Variants in WWC2 observed in about 807,000 individuals in gnomAD.
WWC2 encodes protein WWC2.
A neutral mutation model predicts 138.5 loss-of-function variants in WWC2; 101 were observed. The ratio of observed to expected loss-of-function variants is 0.73; its 90% CI spans 0.62 to 0.86. The LOEUF (loss-of-function observed/expected upper bound fraction) is 0.86, where lower values mean the gene tolerates loss of function less well. WWC2 is among the 40% of genes least tolerant of loss of function. The pLI is 0.00. For missense variants in WWC2, 1,420 were observed against 1,419.4 expected, an observed-to-expected ratio of 1.00 and a Z score of -0.01; for synonymous variants, 558 against 538.4, an observed-to-expected ratio of 1.04 and a Z score of -0.50.
At chr4:183,311,802 C>T (rs1409689281) in intron 21 of WWC2, among the ~76,000 whole-genome samples, 3 of 152,052 alleles carry the variant, frequency 2.0e-5, no homozygotes, top group African/African-American at 7.2e-5. Flanking sequence ...TGGTCTCGAT[C>T]TCCTGACCTC....
At chr4:183,118,993 C>G (rs1264443961) in intron 1 of WWC2, among the ~76,000 whole-genome samples, 1 of 151,876 alleles carries the variant, frequency 6.6e-6, no homozygotes, top group Non-Finnish European at 1.5e-5. Flanking sequence ...CTCCTTTTGT[C>G]CTGATGGTGT....
chr4:183,126,080 G>A (rs922046307), intron 1 of WWC2, among the ~76,000 whole-genome samples: 13 of 152,296 alleles, frequency 8.5e-5, no homozygotes, highest in African/African-American at 1.4e-4. Context: ...ACCCTGGCTC[G>A]CCTCACCCTG....
In WWC2 at chr4:183,320,625, T is replaced by C. The variant is rs149741702; in HGVS notation, c.*4896T>C. 4.9e-6 allele frequency: 1 copy of C among 203,990 alleles called. No individual in the cohort carries two copies. The highest frequency in any genetic ancestry group is 1.3e-4 in the East Asian group (1 of 7,792). The allele number at this position is 203,990 out of a possible 1,614,324, so 12.6% of individuals were successfully genotyped here. On this transcript the variant is annotated 3_prime_UTR_variant, in exon 23 of 23. Coordinates refer to ENST00000403733, the MANE Select transcript of WWC2 (RefSeq NM_024949.6). ...CTGATGGTTTTGGTTCAACTCCTCC[T>C]GCTTTGTGTTTCACTAACTGCACCT...
At chr4:183,286,444 A>G (rs1194328731) in intron 20 of WWC2, among the ~76,000 whole-genome samples, 1 of 152,180 alleles carries the variant, frequency 6.6e-6, no homozygotes, top group East Asian at 1.9e-4. Context: ...TCTGAAGGAC[A>G]CACATTCTGG....
At position 183,320,348 on chromosome 4, in the gene WWC2, G is replaced by T; in HGVS notation, c.*4619G>T. On this transcript the variant is annotated 3_prime_UTR_variant, in exon 23 of 23. Transcript: ENST00000403733. ...TCATTGTGTATATAGGAGGATTCTT[G>T]CCAGAGTTGCTATTGTTTGATTCCA... is the stretch of plus-strand genomic sequence containing the variant. 4 of 863,376 alleles carry T rather than the reference G, an allele frequency of 4.6e-6. No homozygotes were observed. The highest frequency in any genetic ancestry group is 1.8e-5 in the South Asian group (1 of 54,416). 53.5% of individuals were successfully genotyped at this position (863,376 alleles called of 1,614,324 possible).
chr4:183,262,655 G>C (rs913805833), intron 11 of WWC2, among the ~76,000 whole-genome samples: 4 of 152,216 alleles, frequency 2.6e-5, no homozygotes, highest in African/African-American at 9.6e-5. Context: ...ACAAGTAGCA[G>C]GTTATGGAAA....
intron 17 of WWC2, among the ~76,000 whole-genome samples, chr4:183,282,177 T>C (rs1261719859): frequency 6.6e-6 from 1 of 152,194 alleles, no homozygotes; most frequent in Non-Finnish European, 1.5e-5. Flanking sequence ...CTTATACCAC[T>C]TATAATGCCA....
chr4:183,281,101 A>G lies in WWC2; in HGVS notation c.2684+204A>G, dbSNP rs1738057717. 8.1e-6 allele frequency: 5 copies of G among 614,154 alleles called. No homozygotes were observed. In the Admixed American group the frequency reaches 1.5e-4, roughly 19 times the overall value. The allele number at this position is 614,154 out of a possible 1,614,324, so 38.0% of individuals were successfully genotyped here. On this transcript the variant is annotated intron_variant, in intron 17 of 22. Transcript: ENST00000403733. ...AGATTATGGGCAAAGTTAAAACATT[A>G]GCCAGATTCTTTGTTCTTGTTTCGA...
chr4:183,233,664 A>G (rs1325314652), intron 4 of WWC2: 1 of 152,170 alleles, frequency 6.6e-6, no homozygotes, highest in Non-Finnish European at 1.5e-5. Context: ...GGCCAATTCC[A>G]TTTATTAGCC....
intron 1 of WWC2, among the ~76,000 whole-genome samples, chr4:183,151,225 G>A (rs779444658): frequency 6.6e-6 from 1 of 152,040 alleles, no homozygotes. Context: ...TTTAATGATC[G>A]CTGTTCTAAC....
chr4:183,143,920 A>G (rs939866901), intron 1 of WWC2, among the ~76,000 whole-genome samples: 2 of 152,224 alleles, frequency 1.3e-5, no homozygotes, highest in Non-Finnish European at 2.9e-5. Flanking sequence ...ACTAAAATTG[A>G]AGGTGGTACG....
intron 21 of WWC2, among the ~76,000 whole-genome samples, chr4:183,297,602 G>A (rs1738679315): frequency 6.6e-6 from 1 of 151,974 alleles, no homozygotes; most frequent in Admixed American, 6.6e-5. Context: ...TAGAGATGGG[G>A]TTTCACTGTG....
intron 1 of WWC2, among the ~76,000 whole-genome samples, chr4:183,134,066 A>G (rs753405375): frequency 6.6e-6 from 1 of 152,014 alleles, no homozygotes; most frequent in Non-Finnish European, 1.5e-5. Context: ...TTTCATCCCT[A>G]TGTCCGAATT....
intron 1 of WWC2, among the ~76,000 whole-genome samples, chr4:183,102,332 T>C (rs1743206597): frequency 6.6e-6 from 1 of 152,184 alleles, no homozygotes; most frequent in East Asian, 1.9e-4. Flanking sequence ...TGAGTGACCC[T>C]GGAAATAGTA....
At chr4:183,116,178 A>C (rs1186455231) in intron 1 of WWC2, among the ~76,000 whole-genome samples, 1 of 152,148 alleles carries the variant, frequency 6.6e-6, no homozygotes, top group Non-Finnish European at 1.5e-5. Context: ...TGGTTTTTCT[A>C]ACATGTTCCA....
At chr4:183,150,103 G>C (rs892066750) in intron 1 of WWC2, among the ~76,000 whole-genome samples, 1 of 152,150 alleles carries the variant, frequency 6.6e-6, no homozygotes, top group Non-Finnish European at 1.5e-5. Context: ...TTGGTTCTTA[G>C]GTTGGACAGG....
At chr4:183,150,522 T>C (rs1478822611) in intron 1 of WWC2, among the ~76,000 whole-genome samples, 1 of 152,124 alleles carries the variant, frequency 6.6e-6, no homozygotes, top group Non-Finnish European at 1.5e-5. Context: ...GTTTGTTTTT[T>C]AAAAAAAGAT....
At chr4:183,160,826 T>G (rs567543523) in intron 1 of WWC2, among the ~76,000 whole-genome samples, 35 of 152,206 alleles carry the variant, frequency 2.3e-4, no homozygotes, top group Non-Finnish European at 4.9e-4. Flanking sequence ...ATTCCAAGGA[T>G]TATTTAAGGT....
intron 16 of WWC2, among the ~76,000 whole-genome samples, chr4:183,278,507 C>A (rs936471934): frequency 6.6e-6 from 1 of 151,846 alleles, no homozygotes; most frequent in African/African-American, 2.4e-5. Flanking sequence ...TTTTCAAATT[C>A]TGTGAAGAAA....
Sources: allele counts gnomAD v4.1 joint callset (sites outside exome capture counted in the v4.1 genomes callset), GRCh38; gene constraint gnomAD v4.1.1; transcripts MANE v1.5; gene names NCBI Gene and HGNC (gene_info 2026-07-23, HGNC 2026-07-21).